The following TYW1 variants were observed in gnomAD, a reference collection of about 807,000 sequenced individuals.
TYW1 encodes tRNA-yW synthesizing protein 1 homolog, also known as S-adenosyl-L-methionine-dependent tRNA 4-demethylwyosine synthase TYW1.
Under a neutral mutation model 96.2 loss-of-function variants are expected in TYW1, and 46 were observed. The observed-to-expected ratio is 0.48, with a 90% CI of 0.38 to 0.61. TYW1 has a LOEUF of 0.61. Among genes scored for constraint, TYW1 ranks in the 20% least tolerant of loss-of-function variants. The pLI, the probability that TYW1 is intolerant of heterozygous loss-of-function variation, is 0.00. For missense variants in TYW1, 684 were observed against 909.6 expected, an observed-to-expected ratio of 0.75 and a Z score of 3.19; for synonymous variants, 274 against 323.0, an observed-to-expected ratio of 0.85 and a Z score of 1.63.
intron 3 of TYW1, among the ~76,000 whole-genome samples, chr7:67,005,397 A>T (rs1374073245): frequency 1.3e-5 from 2 of 152,170 alleles, no homozygotes; most frequent in African/African-American, 4.8e-5. Flanking sequence ...GGAGTTTGAG[A>T]CCAACCTGTG....
intron 13 of TYW1, among the ~76,000 whole-genome samples, chr7:67,168,855 G>A (rs1272885017): frequency 1.3e-5 from 2 of 152,082 alleles, no homozygotes; most frequent in Admixed American, 6.6e-5. Flanking sequence ...GGGACTACAG[G>A]CATGCAACAC....
chr7:67,040,863 AT>A (rs1794996102), intron 7 of TYW1, among the ~76,000 whole-genome samples: 1 of 152,052 alleles, frequency 6.6e-6, no homozygotes, highest in African/African-American at 2.4e-5. Flanking sequence ...AAGAAAAAGA[AT>A]TTAAAAACTT....
Position 67,084,957 on chromosome 7 carries a change from C to A in TYW1, c.1384+1418C>A, listed in dbSNP as rs13311010. On this transcript the variant is annotated intron_variant, in intron 11 of 15. Coordinates refer to ENST00000359626, the MANE Select transcript of TYW1 (RefSeq NM_018264.4). ...ATTTGTTAGGTTCCCTGTTGAATCT[C>A]TATGCTCTGGTCTCTACCTACCACT... Among the ~76,000 whole-genome samples, 513 of 152,306 alleles carry A rather than the reference C, an allele frequency of 3.4e-3. 4 individuals carry two copies. The highest frequency in any genetic ancestry group is 0.011 in the African/African-American group (471 of 41,556).
At chr7:67,070,056 A>G (rs1298362777) in intron 10 of TYW1, among the ~76,000 whole-genome samples, 1 of 151,784 alleles carries the variant, frequency 6.6e-6, no homozygotes, top group Admixed American at 6.6e-5. Context: ...ATGCTCTCCC[A>G]CTGCCTTCTG....
intron 14 of TYW1, among the ~76,000 whole-genome samples, chr7:67,193,256 G>A (rs1382843254): frequency 5.9e-5 from 9 of 152,114 alleles, no homozygotes; most frequent in Non-Finnish European, 8.8e-5. Context: ...CTAAATCACC[G>A]GGCAAACTGA....
intron 7 of TYW1, among the ~76,000 whole-genome samples, chr7:67,028,397 A>C (rs55694864): frequency 0.3 from 46,179 of 151,952 alleles, 7,291 homozygotes; most frequent in East Asian, 0.53. Flanking sequence ...AAAATGCAAA[A>C]TTAGCTGGGT....
chr7:67,085,078 G>A (rs1448577966), intron 11 of TYW1, among the ~76,000 whole-genome samples: 1 of 152,062 alleles, frequency 6.6e-6, no homozygotes, highest in African/African-American at 2.4e-5. Context: ...CACTCTTAAG[G>A]TATTAATAGC....
intron 7 of TYW1, among the ~76,000 whole-genome samples, chr7:67,042,186 TTAAC>T (rs981598540): frequency 4.0e-5 from 6 of 148,228 alleles, no homozygotes; most frequent in African/African-American, 9.8e-5. Flanking sequence ...GAATATAATA[TTAAC>T]TAATTATTTC....
intron 3 of TYW1, among the ~76,000 whole-genome samples, chr7:67,004,891 G>A (rs1169439335): frequency 6.6e-6 from 1 of 152,114 alleles, no homozygotes; most frequent in African/African-American, 2.4e-5. Context: ...GAGTAGCTGG[G>A]ACTACAGGTG....
Position 67,050,088 on chromosome 7 carries a change from T to A in TYW1, c.1102+22T>A, listed in dbSNP as rs187712297. On this transcript the variant is annotated intron_variant, in intron 8 of 15. Coordinates refer to ENST00000359626, the MANE Select transcript of TYW1 (RefSeq NM_018264.4). ...CAAGGTGAAAATCTTCAAGAATTGT[T>A]GTTATATGACTGTAGTCTTAGGCAT... 527 of 1,612,094 alleles carry A rather than the reference T, an allele frequency of 3.3e-4. 7 individuals are homozygous for A. In the African/African-American group the frequency reaches 6.3e-3, roughly 19 times the overall value.
intron 13 of TYW1, among the ~76,000 whole-genome samples, chr7:67,160,338 G>A (rs1051635229): frequency 6.6e-6 from 1 of 152,204 alleles, no homozygotes; most frequent in African/African-American, 2.4e-5. Flanking sequence ...TGTTACATGT[G>A]TCTATTGTTG....
intron 13 of TYW1, among the ~76,000 whole-genome samples, chr7:67,168,546 G>T (rs1316029769): frequency 2.0e-5 from 3 of 151,880 alleles, no homozygotes; most frequent in Non-Finnish European, 4.4e-5. Context: ...ATTAAGTTGT[G>T]TTTTCTTTAG....
At chr7:67,098,152 C>A (rs574192984) in intron 11 of TYW1, among the ~76,000 whole-genome samples, 2 of 152,278 alleles carry the variant, frequency 1.3e-5, no homozygotes, top group East Asian at 3.9e-4. Context: ...TTTCCCAGTT[C>A]AGGATACTTG....
chr7:67,044,979 T>A (rs535037982), intron 7 of TYW1, among the ~76,000 whole-genome samples: 5 of 152,186 alleles, frequency 3.3e-5, no homozygotes, highest in Admixed American at 1.3e-4. Context: ...TAAAAAAGGA[T>A]CAAACAATCA....
chr7:67,230,695 C>G (rs1354883074), intron 15 of TYW1, among the ~76,000 whole-genome samples: 1 of 142,156 alleles, frequency 7.0e-6, no homozygotes, highest in Non-Finnish European at 1.5e-5. Context: ...CTCTGTCCCC[C>G]AGGCTGGAGT....
chr7:67,052,513 T>G (rs1458281382), intron 8 of TYW1, among the ~76,000 whole-genome samples: 1 of 152,210 alleles, frequency 6.6e-6, no homozygotes, highest in African/African-American at 2.4e-5. Flanking sequence ...GGTCTTTTTA[T>G]ATTTTCCACA....
Position 67,233,583 on chromosome 7 carries a change from C to T in TYW1, c.1978-4725C>T, listed in dbSNP as rs1334112875. Reference sequence around the variant, plus strand: ...TAATTCTGCATAGATTCCGTTCTTCCCTTACTGTTGGATTCGAGGGATTCT... The same window carrying T: ...TAATTCTGCATAGATTCCGTTCTTCTCTTACTGTTGGATTCGAGGGATTCT... On this transcript the variant is annotated intron_variant, in intron 15 of 15. Transcript: ENST00000359626. 2.2e-5 allele frequency among the ~76,000 whole-genome samples: 3 copies of T among 135,190 alleles called. 1 individual carries two copies. Among genetic ancestry groups the T allele is most frequent in the Non-Finnish European group, 4.8e-5 (3 of 62,882 alleles). The allele number at this position is 135,190 out of a possible 152,430, so 88.7% of individuals were successfully genotyped here. A position where few individuals can be genotyped will look rare whatever the true frequency, so the allele number is the denominator to read the frequency against.
At chr7:67,056,750 A>T (rs1795531354) in intron 9 of TYW1, among the ~76,000 whole-genome samples, 1 of 152,170 alleles carries the variant, frequency 6.6e-6, no homozygotes, top group African/African-American at 2.4e-5. Flanking sequence ...AGCATTCTTC[A>T]CAAGACTTTG....
chr7:67,164,260 GCT>G (rs1437487594), intron 13 of TYW1, among the ~76,000 whole-genome samples: 1 of 151,514 alleles, frequency 6.6e-6, no homozygotes, highest in East Asian at 1.9e-4. Flanking sequence ...TTAATGCCAT[GCT>G]GCATGTATAA....
Sources: allele counts gnomAD v4.1 joint callset (sites outside exome capture counted in the v4.1 genomes callset), GRCh38; gene constraint gnomAD v4.1.1; transcripts MANE v1.5; gene names NCBI Gene and HGNC (gene_info 2026-07-23, HGNC 2026-07-21).